The following ARHGAP39 variants were observed in gnomAD, a reference collection of about 807,000 sequenced individuals.
ARHGAP39 encodes the protein Rho GTPase activating protein 39.
ARHGAP39 carries 44 observed loss-of-function variants against 106.9 expected under a neutral mutation model. The ratio of observed to expected loss-of-function variants is 0.41; its 90% CI spans 0.32 to 0.53. ARHGAP39 has a LOEUF of 0.53. Ranked by LOEUF, ARHGAP39 falls within the 20% of genes least tolerant of loss-of-function variation. The pLI is 0.21. For missense variants in ARHGAP39, 1,496 were observed against 1,577.3 expected (o/e 0.95, Z 0.87); for synonymous variants, 768 against 693.2 (o/e 1.11, Z -1.69).
chr8:144,559,100 C>T (rs568666834), intron 3 of ARHGAP39, among the ~76,000 whole-genome samples: 7 of 151,738 alleles, frequency 4.6e-5, no homozygotes, highest in South Asian at 2.1e-4. Context: ...CCCAGCTACT[C>T]GGGAGGCTGA....
At chr8:144,540,909 T>C (rs1281333173) in intron 6 of ARHGAP39, among the ~76,000 whole-genome samples, 3 of 152,254 alleles carry the variant, frequency 2.0e-5, no homozygotes, top group Non-Finnish European at 2.9e-5. Context: ...TAGAGTGCAA[T>C]GGCAAGATCT....
intron 1 of ARHGAP39, among the ~76,000 whole-genome samples, chr8:144,620,571 C>T (rs1217300140): frequency 6.6e-6 from 1 of 151,906 alleles, no homozygotes; most frequent in Non-Finnish European, 1.5e-5. Flanking sequence ...GCTTGTGTGT[C>T]CATGAGAGCA....
chr8:144,665,146 G>C (rs1821930314), intron 1 of ARHGAP39, among the ~76,000 whole-genome samples: 1 of 152,186 alleles, frequency 6.6e-6, no homozygotes, highest in Non-Finnish European at 1.5e-5. Flanking sequence ...TTAGCAAAGA[G>C]ACTGGCAGCA....
At chr8:144,539,411 G>A (rs1016615527) in intron 6 of ARHGAP39, among the ~76,000 whole-genome samples, 7 of 152,046 alleles carry the variant, frequency 4.6e-5, no homozygotes, top group African/African-American at 7.2e-5. Context: ...TAATTTTGAC[G>A]AAGTCCAATT....
At chr8:144,694,701 A>G in the ARHGAP39 span, among the ~76,000 whole-genome samples, 1 of 152,170 alleles carries the variant, frequency 6.6e-6, no homozygotes, top group Non-Finnish European at 1.5e-5. Flanking sequence ...TGTCCTGGAC[A>G]AGCTGTTTTC....
At chr8:144,562,628 C>T (rs987826341) in intron 3 of ARHGAP39, among the ~76,000 whole-genome samples, 44 of 150,402 alleles carry the variant, frequency 2.9e-4, no homozygotes, top group Non-Finnish European at 4.3e-4. Flanking sequence ...CAGTGGTTTC[C>T]ATCGGACCCC....
intron 1 of ARHGAP39, among the ~76,000 whole-genome samples, chr8:144,668,574 G>A (rs952036110): frequency 6.6e-6 from 1 of 152,108 alleles, no homozygotes; most frequent in Non-Finnish European, 1.5e-5. Flanking sequence ...AACATCAGAA[G>A]GAGTAAAATA....
At chr8:144,594,804 G>T (rs1022998093) in intron 2 of ARHGAP39, among the ~76,000 whole-genome samples, 1 of 152,118 alleles carries the variant, frequency 6.6e-6, no homozygotes, top group Non-Finnish European at 1.5e-5. Context: ...AGAATCACTT[G>T]GATCCGGGAA....
At chr8:144,628,831 C>G (rs1277424200) in intron 1 of ARHGAP39, among the ~76,000 whole-genome samples, 1 of 152,250 alleles carries the variant, frequency 6.6e-6, no homozygotes, top group Non-Finnish European at 1.5e-5. Flanking sequence ...CTCACTGCCC[C>G]ACCCTGTCAC....
At position 144,581,004 on chromosome 8, in the gene ARHGAP39, G is replaced by A. The variant is rs1372985896; in HGVS notation, c.354C>T (p.Ala118=). 2 of 1,592,112 alleles carry A rather than the reference G, an allele frequency of 1.3e-6. No individual in the cohort carries two copies. The highest frequency in any genetic ancestry group is 1.7e-6 in the Non-Finnish European group (2 of 1,169,948). Residue 118 remains alanine (A), a synonymous_variant, in exon 3 of 12, where the codon GCC becomes GCT. Coordinates refer to ENST00000377307, the MANE Select transcript of ARHGAP39 (RefSeq NM_025251.3). The part of the protein sequence containing the change: ...TLKQNTESPR[A]SAESSPGRGS... The stretch of plus-strand genomic sequence containing the variant: ...CGCGCCCGGGGCTGCTCTCCGCCGA[G>A]GCGCGCGGGGACTCCGTGTTCTGCT...
At chr8:144,648,196 C>A (rs2130994463) in intron 1 of ARHGAP39, among the ~76,000 whole-genome samples, 1 of 152,304 alleles carries the variant, frequency 6.6e-6, no homozygotes, top group Middle Eastern at 3.4e-3. Flanking sequence ...CCCAGCTGCT[C>A]TGATTTCCCC....
intron 7 of ARHGAP39, 86 bp downstream of exon 7, chr8:144,537,635 G>A: frequency 2.5e-6 from 3 of 1,209,890 alleles, no homozygotes; most frequent in Non-Finnish European, 3.6e-6. Context: ...CCCAGAAGCG[G>A]TTAGAGAAGA....
intron 1 of ARHGAP39, among the ~76,000 whole-genome samples, chr8:144,653,518 G>A (rs997341769): frequency 1.3e-5 from 2 of 152,086 alleles, no homozygotes; most frequent in Non-Finnish European, 2.9e-5. Flanking sequence ...CCACCTTCCC[G>A]TCAGGAACCT....
Position 144,545,757 on chromosome 8 carries a change from G to A in ARHGAP39, c.2013C>T (p.Ser671=), listed in dbSNP as rs779000818. Residue 671 remains serine (S), a synonymous_variant, in exon 6 of 12, where the codon AGC becomes AGT. Transcript: ENST00000377307. The stretch of plus-strand genomic sequence containing the variant: ...AGACGCAGCTGGAGCTGGGAACGCC[G>A]CTGCGGCTCTGCCGGCTGCTCTCGA... ...AQFESSRQSR[S]GVPSSSCVFP... The A allele has an allele frequency of 1.1e-4, 183 of 1,606,270 alleles. No homozygotes were observed. Among genetic ancestry groups the A allele is most frequent in the Middle Eastern group, 1.7e-4 (1 of 6,034 alleles).
At position 144,530,774 on chromosome 8, in the gene ARHGAP39, C is replaced by T. The variant is rs544669862; in HGVS notation, c.3078G>A (p.Ala1026=). Residue 1026 remains alanine, a synonymous_variant, in exon 11 of 12, where the codon GCG becomes GCA. Transcript: ENST00000377307. ...GCAGCGCGTGCACCACGGCCACCGC[C>T]GCCTCGGGGCTGTCGTAGTGCGCGA... ...QCIAHYDSPE[A]AVAVVHALPR... The T allele has an allele frequency of 3.4e-5, 54 of 1,611,298 alleles. No individual in the cohort carries two copies. The highest frequency in any genetic ancestry group is 6.7e-5 in the East Asian group (3 of 44,804).
At chr8:144,562,778 T>A (rs1818248308) in intron 3 of ARHGAP39, among the ~76,000 whole-genome samples, 1 of 151,454 alleles carries the variant, frequency 6.6e-6, no homozygotes, top group Non-Finnish European at 1.5e-5. Context: ...GTGGTTTCCA[T>A]CGGACTCACT....
At chr8:144,628,636 A>C (rs1035623661) in intron 1 of ARHGAP39, among the ~76,000 whole-genome samples, 1 of 152,204 alleles carries the variant, frequency 6.6e-6, no homozygotes, top group African/African-American at 2.4e-5. Context: ...GATCTAGAAG[A>C]ACACAGATTC....
chr8:144,605,407 G>C, intron 2 of ARHGAP39, 128 bp downstream of exon 2: 2 of 1,006,192 alleles, frequency 2.0e-6, no homozygotes, highest in Non-Finnish European at 1.5e-6. Context: ...TCCAGGCCTT[G>C]GGAACAGCCA....
In ARHGAP39 at chr8:144,552,397, C is replaced by T. The variant is rs573162084; in HGVS notation, c.596+3163G>A. Among the ~76,000 whole-genome samples the T allele has an allele frequency of 5.0e-3, 765 of 152,372 alleles. 5 individuals carry two copies. Among genetic ancestry groups the T allele is most frequent in the African/African-American group, 0.017 (694 of 41,600 alleles). On this transcript the variant is annotated intron_variant, in intron 4 of 11. Coordinates refer to ENST00000377307, the MANE Select transcript of ARHGAP39 (RefSeq NM_025251.3). ...GGGAGAAGCGCGCGGCGGCAGCAGC[C>T]GACAGGCTCCCAACCCAATGCCGCA...
Sources: gnomAD v4.1 joint callset for allele counts (sites outside exome capture counted in the v4.1 genomes callset) on GRCh38, gnomAD v4.1.1 for gene constraint, MANE v1.5 for transcripts, NCBI Gene and HGNC (gene_info 2026-07-23, HGNC 2026-07-21) for gene names.